The following RTL4 variants were observed in gnomAD, a reference collection of about 807,000 sequenced individuals.
RTL4 encodes the protein retrotransposon Gag-like protein 4.
Under a neutral mutation model 5.3 loss-of-function variants are expected in RTL4, and 4 were observed. The ratio of observed to expected loss-of-function variants is 0.75; its 90% CI spans 0.37 to 1.72. RTL4 has a LOEUF of 1.72. RTL4 is among the 40% of genes most tolerant of loss of function. The probability of loss-of-function intolerance (pLI) is 0.04; values close to 1 mark genes in which losing one functional copy is unlikely to be tolerated. For missense variants in RTL4, 260 were observed against 227.1 expected, an observed-to-expected ratio of 1.14 and a Z score of -0.93; for synonymous variants, 98 against 87.3, an observed-to-expected ratio of 1.12 and a Z score of -0.68.
chrX:112,179,084 G>A, the RTL4 span, among the ~76,000 whole-genome samples: 1 of 111,739 alleles, frequency 8.9e-6, no homozygotes, highest in Non-Finnish European at 1.9e-5. Context: ...GGAAGAAGGG[G>A]CCAGACAGAG....
At chrX:112,342,400 G>T in the RTL4 span, among the ~76,000 whole-genome samples, 1 of 111,558 alleles carries the variant, frequency 9.0e-6, no homozygotes, top group Non-Finnish European at 1.9e-5. Context: ...CTTTCCAGGA[G>T]ATTTTAATGC....
chrX:112,295,823 G>A, the RTL4 span, among the ~76,000 whole-genome samples: 2 of 112,005 alleles, frequency 1.8e-5, no homozygotes, highest in African/African-American at 6.5e-5. Flanking sequence ...TTTCTCTGTC[G>A]AAATTACTGT....
chrX:112,245,430 T>C, the RTL4 span, among the ~76,000 whole-genome samples: 1 of 111,675 alleles, frequency 9.0e-6, no homozygotes, highest in Non-Finnish European at 1.9e-5. Context: ...CTCTTCTTGC[T>C]TCATTTCATT....
chrX:112,349,281 C>T, the RTL4 span, among the ~76,000 whole-genome samples: 2 of 111,698 alleles, frequency 1.8e-5, no homozygotes, highest in Admixed American at 1.9e-4. Flanking sequence ...TTACCTTTCT[C>T]TGAATCCAAT....
chrX:112,092,879 G>A, the RTL4 span, among the ~76,000 whole-genome samples: 1 of 111,634 alleles, frequency 9.0e-6, no homozygotes, highest in South Asian at 3.8e-4. Flanking sequence ...GGAACTGTAA[G>A]TCCAATTAAA....
At chrX:112,091,256 T>C in the RTL4 span, among the ~76,000 whole-genome samples, 5 of 111,781 alleles carry the variant, frequency 4.5e-5, no homozygotes, top group Admixed American at 9.5e-5. Flanking sequence ...ATTTATCTCT[T>C]GTCTCATAAT....
At chrX:112,389,731 A>G in the RTL4 span, among the ~76,000 whole-genome samples, 1 of 110,186 alleles carries the variant, frequency 9.1e-6, no homozygotes, top group African/African-American at 3.3e-5. Flanking sequence ...TCATAGTTTT[A>G]ACTTTTATTT....
chrX:112,296,807 C>T, the RTL4 span, among the ~76,000 whole-genome samples: 3 of 105,298 alleles, frequency 2.8e-5, no homozygotes, highest in Admixed American at 1.0e-4. Context: ...TTAGTAGAGA[C>T]GGGGTTTCAC....
chrX:112,219,386 A>C, the RTL4 span, among the ~76,000 whole-genome samples: 1 of 112,182 alleles, frequency 8.9e-6, no homozygotes, highest in Admixed American at 9.5e-5. Flanking sequence ...TTATTCTTTA[A>C]ACAGATCCTC....
chrX:112,383,697 A>G, the RTL4 span, among the ~76,000 whole-genome samples: 1 of 111,948 alleles, frequency 8.9e-6, no homozygotes, highest in Non-Finnish European at 1.9e-5. Flanking sequence ...TTGCAGCAAC[A>G]TGGATGCAGC....
chrX:112,271,049 GAAAAAA>G, the RTL4 span, among the ~76,000 whole-genome samples: 3 of 60,871 alleles, frequency 4.9e-5, no homozygotes, highest in Non-Finnish European at 6.3e-5. Flanking sequence ...CCTGGAGACA[GAAAAAA>G]AAAAAAAAAA....
chrX:112,378,107 C>T, the RTL4 span, among the ~76,000 whole-genome samples: 2 of 111,372 alleles, frequency 1.8e-5, no homozygotes, highest in Admixed American at 9.5e-5. Context: ...GTAAGCTGCA[C>T]GAGTAGATGG....
the RTL4 span, among the ~76,000 whole-genome samples, chrX:112,360,663 G>T: frequency 1.8e-5 from 2 of 108,539 alleles, no homozygotes; most frequent in Non-Finnish European, 3.8e-5. Flanking sequence ...TCTGTTGTTT[G>T]ATTCTTTTTT....
the RTL4 span, among the ~76,000 whole-genome samples, chrX:112,422,510 G>A: frequency 2.7e-5 from 3 of 110,636 alleles, no homozygotes; most frequent in Admixed American, 9.7e-5. Context: ...GCAAAGGGGG[G>A]GTTCCTTCCC....
chrX:112,280,903 T>C, the RTL4 span, among the ~76,000 whole-genome samples: 1 of 111,645 alleles, frequency 9.0e-6, no homozygotes, highest in Non-Finnish European at 1.9e-5. Context: ...TATATTATCA[T>C]GTACAACACG....
chrX:112,264,235 G>T, the RTL4 span, among the ~76,000 whole-genome samples: 1 of 112,129 alleles, frequency 8.9e-6, no homozygotes, highest in African/African-American at 3.2e-5. Context: ...TGGAAATTAG[G>T]CTAGTGTGTA....
the RTL4 span, among the ~76,000 whole-genome samples, chrX:112,414,886 T>C: frequency 9.0e-6 from 1 of 111,515 alleles, no homozygotes. Context: ...CCACATCTCA[T>C]ATTCCATTAT....
At chrX:112,150,993 TC>T in the RTL4 span, among the ~76,000 whole-genome samples, 1 of 112,382 alleles carries the variant, frequency 8.9e-6, no homozygotes, top group African/African-American at 3.2e-5. Flanking sequence ...GGCAGGAGCT[TC>T]TGAGGATCCC....
the RTL4 span, among the ~76,000 whole-genome samples, chrX:112,438,199 T>G: frequency 9.6e-6 from 1 of 104,018 alleles, no homozygotes; most frequent in Non-Finnish European, 2.0e-5. Flanking sequence ...CATCTGTGGC[T>G]GTAGTCATCT....
Sources: allele counts gnomAD v4.1 joint callset (sites outside exome capture counted in the v4.1 genomes callset), GRCh38; gene constraint gnomAD v4.1.1; transcripts MANE v1.5; gene names NCBI Gene and HGNC (gene_info 2026-07-23, HGNC 2026-07-21).